Variants in NDUFAF6 observed in about 807,000 individuals in gnomAD.
NDUFAF6 encodes NADH:ubiquinone oxidoreductase complex assembly factor 6.
NDUFAF6 carries 45 observed loss-of-function variants against 40.8 expected under a neutral mutation model. The ratio of observed to expected loss-of-function variants is 1.10; its 90% confidence interval spans 0.87 to 1.42. The LOEUF (loss-of-function observed/expected upper bound fraction) is 1.42, where lower values mean the gene tolerates loss of function less well. Ranked by LOEUF, NDUFAF6 falls within the 40% of genes most tolerant of loss-of-function variation. The probability of loss-of-function intolerance (pLI) is 0.00; values close to 1 mark genes in which losing one functional copy is unlikely to be tolerated. For missense variants in NDUFAF6, 435 were observed against 418.5 expected, an observed-to-expected ratio of 1.04 and a Z score of -0.34; for synonymous variants, 185 against 155.9, an observed-to-expected ratio of 1.19 and a Z score of -1.39.
intron 1 of NDUFAF6, among the ~76,000 whole-genome samples, chr8:94,906,806 A>C (rs1263320302): frequency 6.6e-6 from 1 of 152,234 alleles, no homozygotes; most frequent in Non-Finnish European, 1.5e-5. Flanking sequence ...TGACAAATAC[A>C]CTTGACCTTG....
chr8:95,063,090 A>G (rs143533513), downstream of NDUFAF6, among the ~76,000 whole-genome samples: 61 of 152,344 alleles, frequency 4.0e-4, no homozygotes, highest in African/African-American at 1.4e-3. Context: ...GGCCACATTA[A>G]GGTGTTTGGA....
chr8:94,951,852 G>C (rs1489270855), intron 2 of NDUFAF6, among the ~76,000 whole-genome samples: 3 of 152,206 alleles, frequency 2.0e-5, no homozygotes, highest in Admixed American at 6.5e-5. Context: ...TGAAACTCAG[G>C]AGTAATGTCA....
chr8:94,920,175 A>C (rs1586650974), intron 1 of NDUFAF6, among the ~76,000 whole-genome samples: 2 of 152,336 alleles, frequency 1.3e-5, no homozygotes, highest in East Asian at 3.9e-4. Context: ...ACATATAGTG[A>C]TAACACTATA....
chr8:94,943,759 C>A (rs1482182087), intron 1 of NDUFAF6, among the ~76,000 whole-genome samples: 1 of 152,350 alleles, frequency 6.6e-6, no homozygotes, highest in East Asian at 1.9e-4. Flanking sequence ...CATTAGAACA[C>A]TTTGTGGTCA....
At chr8:95,072,371 T>G (rs1832895562) in intron 9 of NDUFAF6, among the ~76,000 whole-genome samples, 1 of 152,218 alleles carries the variant, frequency 6.6e-6, no homozygotes, top group Non-Finnish European at 1.5e-5. Context: ...GTATACACTT[T>G]CATGTTTACA....
At chr8:94,921,835 G>A (rs1819523443) in intron 1 of NDUFAF6, among the ~76,000 whole-genome samples, 1 of 152,200 alleles carries the variant, frequency 6.6e-6, no homozygotes, top group Non-Finnish European at 1.5e-5. Context: ...TGTGAAATAG[G>A]AGGCAGAAGG....
At chr8:95,079,706 T>A (rs1476027660), downstream of NDUFAF6, among the ~76,000 whole-genome samples, 2 of 130,362 alleles carry the variant, frequency 1.5e-5, no homozygotes, top group Non-Finnish European at 3.2e-5. Flanking sequence ...AACTTCATTT[T>A]AATTTTTTTA....
chr8:95,006,409 G>A lies in NDUFAF6; in HGVS notation c.-84+25436G>A, dbSNP rs565083729. On this transcript the variant is annotated intron_variant, in intron 2 of 9. Transcript: ENST00000396111. ...AAGAAAAAGAAAAAAAGACATCTCT[G>A]TAAGACTTATCTTTCAAAGAATCTC... Among the ~76,000 whole-genome samples the A allele has an allele frequency of 2.1e-4, 31 of 150,774 alleles. 1 individual carries two copies. The highest frequency in any genetic ancestry group is 4.3e-4 in the Non-Finnish European group (29 of 67,734).
In NDUFAF6 at chr8:94,952,031, T is replaced by C. The variant is rs116661894; in HGVS notation, c.-798-5964T>C. Among the ~76,000 whole-genome samples the C allele has an allele frequency of 5.8e-3, 877 of 152,352 alleles. 12 individuals are homozygous for C. The highest frequency in any genetic ancestry group is 0.02 in the African/African-American group (843 of 41,564). On this transcript the variant is annotated intron_variant, in intron 2 of 14. Transcript: ENST00000396113. ...CAGAATAATTCTTAGCGTGTTGCTA[T>C]AGTACCCACTTCCAGGCTGACCCCC... is the stretch of plus-strand genomic sequence containing the variant.
intron 1 of NDUFAF6, among the ~76,000 whole-genome samples, chr8:94,963,984 C>T (rs1279619718): frequency 6.6e-6 from 1 of 152,176 alleles, no homozygotes; most frequent in Non-Finnish European, 1.5e-5. Context: ...CATCTTAGTC[C>T]TTCCTGGGGA....
chr8:95,116,638 A>G (rs1482381045), downstream of NDUFAF6, among the ~76,000 whole-genome samples: 3 of 152,170 alleles, frequency 2.0e-5, no homozygotes, highest in East Asian at 5.8e-4. Flanking sequence ...GGTGTGAGCC[A>G]CTGTGCCCAG....
intron 2 of NDUFAF6, among the ~76,000 whole-genome samples, chr8:95,092,128 G>A (rs943129965): frequency 6.6e-6 from 1 of 150,646 alleles, no homozygotes; most frequent in African/African-American, 2.4e-5. Flanking sequence ...GTCTTCTGCT[G>A]TCTCTAAATG....
intron 1 of NDUFAF6, among the ~76,000 whole-genome samples, chr8:94,909,868 C>T (rs1230152437): frequency 6.6e-6 from 1 of 151,666 alleles, no homozygotes. Context: ...GCTGGCTTCT[C>T]CAGCCAGTGC....
chr8:94,974,725 T>C (rs1057462600), intron 1 of NDUFAF6: 4 of 172,864 alleles, frequency 2.3e-5, no homozygotes, highest in African/African-American at 9.5e-5. Context: ...GCTAAGGAAC[T>C]TGTGGGCAGA....
intron 1 of NDUFAF6, among the ~76,000 whole-genome samples, chr8:94,971,590 A>G (rs573609590): frequency 6.6e-6 from 1 of 152,302 alleles, no homozygotes; most frequent in Non-Finnish European, 1.5e-5. Context: ...GGTGGAGATG[A>G]CAGAATGACA....
Position 94,951,489 on chromosome 8 carries a change from A to G in NDUFAF6, c.-799+5870A>G, listed in dbSNP as rs971212792. On this transcript the variant is annotated intron_variant, in intron 2 of 14. Coordinates refer to the NDUFAF6 transcript ENST00000396113. ...AGATCAGTGACTCTAAACTCTACCA[A>G]ATAGTGTTTGTGATGAAAACATCTT... 3.9e-5 allele frequency: 6 copies of G among 152,206 alleles called. No homozygotes were observed. The East Asian group carries it at 1.2e-3, about 29-fold the overall frequency. 9.4% of individuals were successfully genotyped at this position (152,206 alleles called of 1,614,324 possible). A position where few individuals can be genotyped will look rare whatever the true frequency, so the allele number is the denominator to read the frequency against.
At chr8:95,009,370 G>A (rs1448445352) in intron 2 of NDUFAF6, among the ~76,000 whole-genome samples, 3 of 248 alleles carry the variant, frequency 0.012, no homozygotes, top group Non-Finnish European at 0.029. Flanking sequence ...TGAAAATACC[G>A]TTTCAACTGT....
At chr8:94,929,434 A>G (rs974138382) in intron 1 of NDUFAF6, 7 of 152,128 alleles carry the variant, frequency 4.6e-5, no homozygotes, top group Non-Finnish European at 1.0e-4. Context: ...AAAAAAAAGA[A>G]AAAAGTTGAG....
chr8:94,986,380 C>A (rs1247996688), intron 2 of NDUFAF6, among the ~76,000 whole-genome samples: 1 of 152,200 alleles, frequency 6.6e-6, no homozygotes, highest in African/African-American at 2.4e-5. Context: ...CCTTCCTTTG[C>A]AGCTTTGTAT....
Sources: gnomAD v4.1 joint callset for allele counts (sites outside exome capture counted in the v4.1 genomes callset) on GRCh38, gnomAD v4.1.1 for gene constraint, MANE v1.5 for transcripts, NCBI Gene and HGNC (gene_info 2026-07-23, HGNC 2026-07-21) for gene names.